The following B3GALNT2 variants were observed in gnomAD, a reference collection of about 807,000 sequenced individuals.
The protein encoded by B3GALNT2 is UDP-GalNAc:beta-1,3-N-acetylgalactosaminyltransferase 2.
In B3GALNT2, 53 loss-of-function variants were observed where a neutral mutation model predicts 61.1. That is an observed-to-expected ratio of 0.87 (90% CI 0.70 to 1.09). The LOEUF (loss-of-function observed/expected upper bound fraction) is 1.09, where lower values mean the gene tolerates loss of function less well. Among genes scored for constraint, B3GALNT2 ranks in the 50% least tolerant of loss-of-function variants. B3GALNT2 has a pLI of 0.00. For missense variants in B3GALNT2, 544 were observed against 623.0 expected (o/e 0.87, Z 1.35); for synonymous variants, 223 against 237.4 (o/e 0.94, Z 0.56).
intron 1 of B3GALNT2, 138 bp from the exon 2 acceptor site, chr1:235,494,966 C>G (rs930269789): frequency 3.3e-6 from 3 of 907,884 alleles, no homozygotes; most frequent in Non-Finnish European, 4.7e-6. Context: ...ATTTTTAAAT[C>G]ACATATGAAC....
At chr1:235,460,880 C>G (rs542956148) in intron 7 of B3GALNT2, among the ~76,000 whole-genome samples, 1 of 152,236 alleles carries the variant, frequency 6.6e-6, no homozygotes, top group Non-Finnish European at 1.5e-5. Context: ...AGCCACTATG[C>G]CTGGCCATGA....
chr1:235,472,497 T>C (rs1201342820), intron 5 of B3GALNT2, among the ~76,000 whole-genome samples: 1 of 152,200 alleles, frequency 6.6e-6, no homozygotes, highest in Non-Finnish European at 1.5e-5. Context: ...TTTTATCTTA[T>C]TAATACCATT....
chr1:235,468,450 CTTT>C (rs58494716), intron 6 of B3GALNT2, among the ~76,000 whole-genome samples: 43 of 87,344 alleles, frequency 4.9e-4, no homozygotes, highest in East Asian at 1.5e-3. Context: ...AGAAACCTAC[CTTT>C]TTTTTTTTTT....
At chr1:235,452,942 G>A (rs1558406996) in intron 11 of B3GALNT2, 148 bp downstream of exon 11, 1 of 676,444 alleles carries the variant, frequency 1.5e-6, no homozygotes, top group East Asian at 2.6e-5. Flanking sequence ...CAACTTCTAA[G>A]TATAATGCAA....
In B3GALNT2 at chr1:235,448,371, G is replaced by A; in HGVS notation, c.*1835C>T. On this transcript the variant is annotated 3_prime_UTR_variant, in exon 12 of 12. Transcript: ENST00000366600. ...TAGGCTCCATGACAATTCAAAAGGT[G>A]AAGGGATTGCTGTCACGTCTTCTCA... 2 of 1,614,164 alleles carry A rather than the reference G, an allele frequency of 1.2e-6. No homozygotes were observed. Among genetic ancestry groups the A allele is most frequent in the Non-Finnish European group, 1.7e-6 (2 of 1,180,028 alleles).
intron 3 of B3GALNT2, among the ~76,000 whole-genome samples, chr1:235,485,636 C>T (rs1684770198): frequency 6.6e-6 from 1 of 152,184 alleles, no homozygotes; most frequent in African/African-American, 2.4e-5. Context: ...AATCAGAATA[C>T]ATTAAATAAA....
Position 235,453,162 on chromosome 1 carries a change from A to G in B3GALNT2, c.1312-16T>C. 1.2e-6 allele frequency: 2 copies of G among 1,606,944 alleles called. No individual in the cohort carries two copies. The highest frequency in any genetic ancestry group is 1.3e-5 in the African/African-American group (1 of 74,878). ...CATCTTCACCCTATACATGGCCCAT[A>G]AAGTTTAAATGTAAAAATTTTAATG... On this transcript the variant is annotated splice_polypyrimidine_tract_variant and intron_variant, in intron 10 of 11. Transcript: ENST00000366600.
chr1:235,460,076 A>C (rs1683347171), intron 7 of B3GALNT2, among the ~76,000 whole-genome samples: 2 of 151,318 alleles, frequency 1.3e-5, no homozygotes. Flanking sequence ...TACAGGCGTG[A>C]GCCACTGCAC....
downstream of B3GALNT2, chr1:235,443,057 C>CTG: frequency 1.2e-6 from 1 of 803,540 alleles, no homozygotes; most frequent in Non-Finnish European, 2.1e-6. Flanking sequence ...TTCTAAAATA[C>CTG]AATCAATCAT....
chr1:235,441,204 G>T, the B3GALNT2 span: 1,015 of 153,984 alleles, frequency 6.6e-3, 5 homozygotes, highest in Admixed American at 0.012. Context: ...TAGATGGGGG[G>T]ATTTAGAGAA....
rs187228604 is a variant in B3GALNT2, at chr1:235,463,158, A to T, written c.841+2478T>A. Reference sequence around the variant, plus strand: ...ATCCAAACATCGTATGTTCTCACTCATAAGTGGGAGCTAAGCTATGAGGAT... The same window carrying T: ...ATCCAAACATCGTATGTTCTCACTCTTAAGTGGGAGCTAAGCTATGAGGAT... On this transcript the variant is annotated intron_variant, in intron 7 of 11. Coordinates refer to ENST00000366600, the MANE Select transcript of B3GALNT2 (RefSeq NM_152490.5). Among the ~76,000 whole-genome samples the T allele has an allele frequency of 1.2e-3, 182 of 152,314 alleles. 2 individuals carry two copies. The highest frequency in any genetic ancestry group is 4.1e-3 in the African/African-American group (169 of 41,578).
At chr1:235,483,039 G>A (rs1189536209) in intron 4 of B3GALNT2, among the ~76,000 whole-genome samples, 2 of 151,998 alleles carry the variant, frequency 1.3e-5, no homozygotes, top group Non-Finnish European at 2.9e-5. Context: ...TGAACACATA[G>A]GAAATTTTAG....
rs891873312 is a variant in B3GALNT2, at chr1:235,498,608, CGAG to C, written c.113-3783_113-3781del. Among the ~76,000 whole-genome samples the C allele has an allele frequency of 1.7e-3, 256 of 151,998 alleles. 1 individual carries two copies. The highest frequency in any genetic ancestry group is 4.9e-4 in the Non-Finnish European group (33 of 67,970). On this transcript the variant is annotated intron_variant, in intron 1 of 11. Coordinates refer to ENST00000366600, the MANE Select transcript of B3GALNT2 (RefSeq NM_152490.5). ...AATCCCAGCTTCAATTTTGGGAGGCCGAGGAGGGCAGATCACAAGGTCAGAAGT... is the reference window on the plus strand; with the variant it reads ...AATCCCAGCTTCAATTTTGGGAGGCCGAGGGCAGATCACAAGGTCAGAAGT...
At chr1:235,466,043 A>G (rs1558417696) in intron 6 of B3GALNT2, among the ~76,000 whole-genome samples, 1 of 152,152 alleles carries the variant, frequency 6.6e-6, no homozygotes, top group African/African-American at 2.4e-5. Flanking sequence ...ACTTAAAAAA[A>G]TATGTATTAC....
downstream of B3GALNT2, among the ~76,000 whole-genome samples, chr1:235,442,319 C>T (rs1023926622): frequency 2.0e-5 from 3 of 152,254 alleles, no homozygotes; most frequent in Admixed American, 6.5e-5. Context: ...TACAGGCATG[C>T]GCCACCACAC....
At chr1:235,497,343 G>A (rs1223481439) in intron 1 of B3GALNT2, among the ~76,000 whole-genome samples, 2 of 152,136 alleles carry the variant, frequency 1.3e-5, no homozygotes, top group African/African-American at 2.4e-5. Flanking sequence ...TTTGCATTAC[G>A]TTAGTAAGAA....
chr1:235,466,189 A>G (rs1012706620), intron 6 of B3GALNT2, among the ~76,000 whole-genome samples: 7 of 151,364 alleles, frequency 4.6e-5, no homozygotes, highest in Non-Finnish European at 1.0e-4. Context: ...ACTCTACTGT[A>G]TATTGATTAA....
chr1:235,472,861 T>C (rs1265148178), intron 5 of B3GALNT2, among the ~76,000 whole-genome samples: 1 of 152,224 alleles, frequency 6.6e-6, no homozygotes, highest in East Asian at 1.9e-4. Context: ...CAGTGGTTTA[T>C]AAACATTTTT....
At chr1:235,451,169 AGGGGCC>A (rs1240531632) in intron 11 of B3GALNT2, 1 of 152,112 alleles carries the variant, frequency 6.6e-6, no homozygotes, top group African/African-American at 2.4e-5. Flanking sequence ...AGGATCTCTG[AGGGGCC>A]ACAGCCTCAG....
Sources: gnomAD v4.1 joint callset for allele counts (sites outside exome capture counted in the v4.1 genomes callset) on GRCh38, gnomAD v4.1.1 for gene constraint, MANE v1.5 for transcripts, NCBI Gene and HGNC (gene_info 2026-07-23, HGNC 2026-07-21) for gene names.